NSUN4: variants seen among roughly 807,000 people sequenced by gnomAD.
NSUN4 encodes the protein NOP2/Sun RNA methyltransferase 4, also known as 5-cytosine rRNA methyltransferase NSUN4.
Under a neutral mutation model 43.8 loss-of-function variants are expected in NSUN4, and 31 were observed. The ratio of observed to expected loss-of-function variants is 0.71; its 90% CI spans 0.53 to 0.96. The LOEUF (loss-of-function observed/expected upper bound fraction) is 0.96, where lower values mean the gene tolerates loss of function less well. Among genes scored for constraint, NSUN4 ranks in the 40% least tolerant of loss-of-function variants. The pLI is 0.00. For synonymous variants in NSUN4, 167 were observed against 184.1 expected (o/e 0.91, Z 0.75); for missense variants, 439 against 475.6 (o/e 0.92, Z 0.72).
chr1:46,341,915 T>G (rs1662138995), intron 1 of NSUN4: 1 of 1,232,994 alleles, frequency 8.1e-7, no homozygotes, highest in Non-Finnish European at 1.0e-6. Context: ...GCGGATGGCC[T>G]TCAGCTTTTG....
At chr1:46,375,998 C>T in the NSUN4 span, among the ~76,000 whole-genome samples, 2 of 139,654 alleles carry the variant, frequency 1.4e-5, no homozygotes, top group East Asian at 2.3e-4. Context: ...CCCAGCTACT[C>T]GGGAGGCTGA....
intron 2 of NSUN4, 24 bp downstream of exon 2, chr1:46,345,168 A>C (rs774099973): frequency 6.5e-7 from 1 of 1,549,396 alleles, no homozygotes; most frequent in Non-Finnish European, 8.8e-7. Context: ...CCATGACTGG[A>C]GCGGTCCTGA....
chr1:46,376,920 G>C, the NSUN4 span, among the ~76,000 whole-genome samples: 1 of 150,922 alleles, frequency 6.6e-6, no homozygotes, highest in African/African-American at 2.4e-5. Context: ...ACCATGCCTG[G>C]CTAATTTTTG....
intron 4 of NSUN4, among the ~76,000 whole-genome samples, chr1:46,354,740 C>T (rs774803803): frequency 5.9e-5 from 9 of 152,042 alleles, no homozygotes; most frequent in African/African-American, 9.6e-5. Flanking sequence ...CTGCAGCCTC[C>T]GCCTCCTGGG....
At position 46,341,301 on chromosome 1, in the gene NSUN4, C is replaced by G. The variant is rs75677993; in HGVS notation, c.93+382C>G. 5.2e-3 allele frequency: 5,202 copies of G among 998,214 alleles called. 182 individuals carry two copies. The African/African-American group carries it at 0.078, about 15-fold the overall frequency. The allele number at this position is 998,214 out of a possible 1,614,324, so 61.8% of individuals were successfully genotyped here. ...CCCATTCTTCCCCCACATGACTTCT[C>G]CTTTCCTCATTGATTTTCCAGCCCG... is the stretch of plus-strand genomic sequence containing the variant. On this transcript the variant is annotated intron_variant, in intron 1 of 5. Transcript: ENST00000474844.
rs141703965 is a variant in NSUN4, at chr1:46,346,945, G to A, written c.462G>A (p.Glu154=). Residue 154 remains glutamate, a synonymous_variant, in exon 3 of 6, where the codon GAG becomes GAA. Transcript: ENST00000474844. ...PARPGSLGVM[E]YYLMDAASLL... is the part of the protein sequence containing the mutation. ...GACCTGGCAGCCTGGGTGTCATGGAGTACTACCTGATGGATGCTGCCTCCT... is the reference window on the plus strand; with the variant it reads ...GACCTGGCAGCCTGGGTGTCATGGAATACTACCTGATGGATGCTGCCTCCT... 1,173 of 1,614,040 alleles carry A rather than the reference G, an allele frequency of 7.3e-4. 3 individuals carry two copies. Among genetic ancestry groups the A allele is most frequent in the Non-Finnish European group, 4.8e-4 (572 of 1,179,974 alleles).
chr1:46,349,241 G>A (rs939224534), intron 3 of NSUN4, among the ~76,000 whole-genome samples: 2 of 151,322 alleles, frequency 1.3e-5, no homozygotes, highest in African/African-American at 2.4e-5. Flanking sequence ...CCGGGTTCAT[G>A]CCATTCTCCT....
intron 1 of NSUN4, chr1:46,343,510 G>T (rs775928796): frequency 2.5e-6 from 1 of 399,694 alleles, no homozygotes; most frequent in Non-Finnish European, 4.4e-6. Context: ...ACTATTATTA[G>T]CAAATGCCAG....
chr1:46,346,993 C>T lies in NSUN4; in HGVS notation c.510C>T (p.Gly170=), dbSNP rs1186940090. The T allele has an allele frequency of 1.9e-6, 3 of 1,614,060 alleles. No individual in the cohort carries two copies. In the African/African-American group the frequency reaches 4.0e-5, roughly 22 times the overall value. ...AASLLPVLAL[G]LQPGDIVLDL... is the part of the protein sequence containing the mutation. ...CCTTGCTGCCTGTTCTGGCCCTCGGCCTGCAGCCTGGGGACATCGTGCTTG... is the reference window on the plus strand; with the variant it reads ...CCTTGCTGCCTGTTCTGGCCCTCGGTCTGCAGCCTGGGGACATCGTGCTTG... The change falls in exon 3 of 6, where the codon GGC becomes GGT. Residue 170 remains glycine, a synonymous_variant. Transcript: ENST00000474844.
intron 1 of NSUN4, chr1:46,342,273 C>T (rs1394770717): frequency 2.5e-6 from 1 of 399,154 alleles, no homozygotes; most frequent in African/African-American, 2.1e-5. Context: ...CCTTAAGCCT[C>T]TAGACTCTTG....
intron 1 of NSUN4, chr1:46,342,100 C>T (rs894540217): frequency 1.0e-5 from 5 of 497,066 alleles, no homozygotes; most frequent in African/African-American, 2.0e-5. Context: ...GCTCGCCGGC[C>T]GGTGGAAACT....
chr1:46,376,236 C>T, the NSUN4 span, among the ~76,000 whole-genome samples: 127 of 150,942 alleles, frequency 8.4e-4, no homozygotes, highest in African/African-American at 3.0e-3. Flanking sequence ...GGTGAAACTC[C>T]GTCTCTACTA....
chr1:46,343,747 A>G (rs7515284), intron 1 of NSUN4: 94,934 of 400,318 alleles, frequency 0.24, 12,785 homozygotes, highest in Non-Finnish European at 0.29. Context: ...ATAAATGAGC[A>G]CCAGGGTGAG....
rs1663982884 is a variant in NSUN4, at chr1:46,363,075, TA to T, written c.*1230del. On this transcript the variant is annotated 3_prime_UTR_variant, in exon 6 of 6. Transcript: ENST00000474844. ...GGCTTCTTGGCTTTTCCACTTTCCTTATTCCTCCTCTTCCTGCCACTCTTTT... is the reference window on the plus strand; with the variant it reads ...GGCTTCTTGGCTTTTCCACTTTCCTTTTCCTCCTCTTCCTGCCACTCTTTT... 1 of 152,142 alleles carries T rather than the reference TA, an allele frequency of 6.6e-6. No homozygotes were observed. The highest frequency in any genetic ancestry group is 2.1e-4 in the South Asian group (1 of 4,822). The allele number at this position is 152,142 out of a possible 1,614,324, so 9.4% of individuals were successfully genotyped here.
Position 46,361,616 on chromosome 1 carries a change from A to C in NSUN4, c.925A>C (p.Thr309Pro), listed in dbSNP as rs1261753716. Residue 309 changes from threonine (T) to proline (P), a missense_variant, in exon 6 of 6, where the codon ACC becomes CCC. Physicochemically the swap from Thr to Pro is conservative, Grantham distance 38. Transcript: ENST00000474844. ...TKPGGHVVYS[T>P]CSLSHLQNEY... is the part of the protein sequence containing the mutation. ...ACCAGGAGGCCATGTTGTCTATTCTACCTGCTCACTCTCACACTTACAGAA... is the reference window on the plus strand; with the variant it reads ...ACCAGGAGGCCATGTTGTCTATTCTCCCTGCTCACTCTCACACTTACAGAA... 1 of 1,614,198 alleles carries C rather than the reference A, an allele frequency of 6.2e-7. No individual in the cohort carries two copies. Among genetic ancestry groups the C allele is most frequent in the Non-Finnish European group, 8.5e-7 (1 of 1,180,040 alleles).
chr1:46,363,584 T>C lies in NSUN4; in HGVS notation c.*1738T>C, dbSNP rs1464058154. 6.6e-6 allele frequency: 1 copy of C among 152,384 alleles called. No individual in the cohort carries two copies. The highest frequency in any genetic ancestry group is 6.5e-5 in the Admixed American group (1 of 15,274). The allele number at this position is 152,384 out of a possible 1,614,324, so 9.4% of individuals were successfully genotyped here. On this transcript the variant is annotated 3_prime_UTR_variant, in exon 6 of 6. Coordinates refer to ENST00000474844, the MANE Select transcript of NSUN4 (RefSeq NM_199044.4). ...TGTAATTGAACATTCAGCTACCCTATAACCCAGTTAATCCAATACTGGGGA... is the reference window on the plus strand; with the variant it reads ...TGTAATTGAACATTCAGCTACCCTACAACCCAGTTAATCCAATACTGGGGA...
intron 1 of NSUN4, chr1:46,341,225 T>C: frequency 9.0e-6 from 10 of 1,111,644 alleles, no homozygotes; most frequent in Non-Finnish European, 1.1e-5. Flanking sequence ...CCTACCTTTC[T>C]GTCCCCCACT....
At chr1:46,354,628 C>A (rs1663237387) in intron 4 of NSUN4, among the ~76,000 whole-genome samples, 1 of 151,538 alleles carries the variant, frequency 6.6e-6, no homozygotes, top group Non-Finnish European at 1.5e-5. Context: ...GACTTGCTTT[C>A]TGCCTGTGTA....
intron 3 of NSUN4, among the ~76,000 whole-genome samples, chr1:46,351,807 G>T (rs1663010296): frequency 6.6e-6 from 1 of 151,078 alleles, no homozygotes; most frequent in South Asian, 2.1e-4. Context: ...TGGGACTACA[G>T]GTACCCACCC....
Sources: gnomAD v4.1 joint callset for allele counts (sites outside exome capture counted in the v4.1 genomes callset) on GRCh38, gnomAD v4.1.1 for gene constraint, MANE v1.5 for transcripts, NCBI Gene and HGNC (gene_info 2026-07-23, HGNC 2026-07-21) for gene names.